The following KDM1B variants were observed in gnomAD, a reference collection of about 807,000 sequenced individuals.
The protein encoded by KDM1B is lysine demethylase 1B.
KDM1B carries 63 observed loss-of-function variants against 107.4 expected under a neutral mutation model. The observed-to-expected ratio is 0.59, with a 90% CI of 0.48 to 0.72. The LOEUF is 0.72. Ranked by LOEUF, KDM1B falls within the 30% of genes least tolerant of loss-of-function variation. The pLI, the probability that KDM1B is intolerant of heterozygous loss-of-function variation, is 0.00. For synonymous variants in KDM1B, 363 were observed against 363.9 expected (o/e 1.00, Z 0.03); for missense variants, 749 against 1,020.8 (o/e 0.73, Z 3.63).
chr6:18,181,308 C>G (rs903055059), intron 7 of KDM1B, among the ~76,000 whole-genome samples: 1 of 152,090 alleles, frequency 6.6e-6, no homozygotes, highest in Non-Finnish European at 1.5e-5. Context: ...TAGTACTACA[C>G]ACACTTTTTT....
At chr6:18,171,711 T>C (rs1301798967) in intron 7 of KDM1B, among the ~76,000 whole-genome samples, 1 of 152,122 alleles carries the variant, frequency 6.6e-6, no homozygotes, top group Non-Finnish European at 1.5e-5. Flanking sequence ...CCAGGGTTGG[T>C]TTTGTTGCCC....
rs1786821971 is a variant in KDM1B, at chr6:18,185,894, T to C, written c.573+84T>C. On this transcript the variant is annotated intron_variant, in intron 8 of 21. Coordinates refer to ENST00000650836, the MANE Select transcript of KDM1B (RefSeq NM_001364614.2). ...CAAGGAAATGATAGTAACAGCTTCA[T>C]GAATTTCTTTCTCTTTGGTTGCTGA... The C allele has an allele frequency of 1.6e-6, 2 of 1,284,764 alleles. 1 individual carries two copies. Among genetic ancestry groups the C allele is most frequent in the South Asian group, 2.4e-5 (2 of 81,930 alleles). The allele number at this position is 1,284,764 out of a possible 1,614,324, so 79.6% of individuals were successfully genotyped here.
chr6:18,220,190 C>T (rs894176339), intron 21 of KDM1B, among the ~76,000 whole-genome samples: 2 of 152,186 alleles, frequency 1.3e-5, no homozygotes, highest in African/African-American at 4.8e-5. Context: ...GTTCCTACTT[C>T]GTTTAATATG....
chr6:18,201,730 T>C lies in KDM1B; in HGVS notation c.1531+73T>C, dbSNP rs214612. The C allele has an allele frequency of 0.83, 1,050,481 of 1,270,196 alleles. 436,584 individuals are homozygous for C. The highest frequency in any genetic ancestry group is 0.96 in the African/African-American group (63,635 of 66,422). The allele number at this position is 1,270,196 out of a possible 1,614,324, so 78.7% of individuals were successfully genotyped here. ...ACCTAAGCTTCATCAGCAGTGGCAT[T>C]GTTCATTTGCGAGGTCGGATGTCGG... On this transcript the variant is annotated intron_variant, in intron 14 of 21. Coordinates refer to ENST00000650836, the MANE Select transcript of KDM1B (RefSeq NM_001364614.2). This position sits in a 1 kb window ranked among gnomAD's most constrained non-coding sequence, Gnocchi z 4.3.
At chr6:18,193,209 A>G (rs1052792008) in intron 10 of KDM1B, among the ~76,000 whole-genome samples, 2 of 150,772 alleles carry the variant, frequency 1.3e-5, no homozygotes, top group African/African-American at 4.9e-5. Flanking sequence ...AAAAAAAAAA[A>G]AAAAAAGAAT....
chr6:18,193,508 C>T (rs1385487655), intron 10 of KDM1B, among the ~76,000 whole-genome samples: 1 of 151,728 alleles, frequency 6.6e-6, no homozygotes, highest in Non-Finnish European at 1.5e-5. Context: ...TGCTGTGTTG[C>T]CCAGGCTGTT....
intron 21 of KDM1B, among the ~76,000 whole-genome samples, chr6:18,219,438 C>T (rs1789506139): frequency 1.3e-5 from 2 of 152,132 alleles, no homozygotes; most frequent in Non-Finnish European, 2.9e-5. Flanking sequence ...TTATTCATCT[C>T]TTATGCTACT....
chr6:18,213,652 G>C lies in KDM1B; in HGVS notation c.1984-4G>C. The stretch of plus-strand genomic sequence containing the variant: ...TAACCACCTTTCTTCTGCTCACTTT[G>C]CAGATTGCCTTGCAATTTCCGTATA... On this transcript the variant is annotated splice_polypyrimidine_tract_variant and splice_region_variant and intron_variant, in intron 18 of 21. Coordinates refer to ENST00000650836, the MANE Select transcript of KDM1B (RefSeq NM_001364614.2). This position sits in a 1 kb window ranked among gnomAD's most constrained non-coding sequence, Gnocchi z 5.9. 6.2e-7 allele frequency: 1 copy of C among 1,613,976 alleles called. No homozygotes were observed.
intron 12 of KDM1B, among the ~76,000 whole-genome samples, chr6:18,198,637 C>CAAAAAAAA (rs762849198): frequency 4.3e-5 from 3 of 69,194 alleles, no homozygotes; most frequent in South Asian, 5.7e-4. Context: ...GACTCCATCT[C>CAAAAAAAA]AAAAAAAAAA....
chr6:18,213,078 C>T lies in KDM1B; in HGVS notation c.1983+474C>T, dbSNP rs1021134355. 6.6e-6 allele frequency among the ~76,000 whole-genome samples: 1 copy of T among 152,146 alleles called. No individual in the cohort carries two copies. Among genetic ancestry groups the T allele is most frequent in the African/African-American group, 2.4e-5 (1 of 41,424 alleles). On this transcript the variant is annotated intron_variant, in intron 18 of 21. Transcript: ENST00000650836. This position sits in a 1 kb window ranked among gnomAD's most constrained non-coding sequence, Gnocchi z 5.9. ...GAGTCTTAGGAATGCTGGGCATCTTCAGACTAGCTTCTAGGTTGCCAGTGG... is the reference window on the plus strand; with the variant it reads ...GAGTCTTAGGAATGCTGGGCATCTTTAGACTAGCTTCTAGGTTGCCAGTGG...
chr6:18,210,531 A>T (rs113526326), intron 17 of KDM1B, among the ~76,000 whole-genome samples: 9,452 of 147,236 alleles, frequency 0.064, 995 homozygotes, highest in African/African-American at 0.22. Context: ...CTAATTAAAA[A>T]TTTTTTTTTT....
At chr6:18,158,099 C>T (rs1784746004) in intron 2 of KDM1B, among the ~76,000 whole-genome samples, 1 of 152,004 alleles carries the variant, frequency 6.6e-6, no homozygotes, top group African/African-American at 2.4e-5. Context: ...AGGCGTGAGC[C>T]ACCGCGCTGG....
chr6:18,165,129 T>TTTTC (rs1785211751), intron 5 of KDM1B, among the ~76,000 whole-genome samples: 1 of 5,692 alleles, frequency 1.8e-4, no homozygotes, highest in Non-Finnish European at 4.4e-4. Flanking sequence ...CCTTCTCTGA[T>TTTTC]TTTTTTTTTT....
Position 18,191,186 on chromosome 6 carries a change from T to A in KDM1B, c.785-11T>A. On this transcript the variant is annotated splice_polypyrimidine_tract_variant and intron_variant, in intron 9 of 21. Coordinates refer to ENST00000650836, the MANE Select transcript of KDM1B (RefSeq NM_001364614.2). The surrounding 1 kb of genome is among the most constrained non-coding windows in gnomAD (Gnocchi z 5.1). ...AGCTTGTAGGAGTTGCCCATTTGTGTTACCTATCAGTTCCAGGCATGAACC... is the reference window on the plus strand; with the variant it reads ...AGCTTGTAGGAGTTGCCCATTTGTGATACCTATCAGTTCCAGGCATGAACC... 4 of 1,548,434 alleles carry A rather than the reference T, an allele frequency of 2.6e-6. No homozygotes were observed. Among genetic ancestry groups the A allele is most frequent in the Non-Finnish European group, 3.5e-6 (4 of 1,145,904 alleles).
chr6:18,201,762 G>A lies in KDM1B; in HGVS notation c.1531+105G>A. On this transcript the variant is annotated intron_variant, in intron 14 of 21. Coordinates refer to ENST00000650836, the MANE Select transcript of KDM1B (RefSeq NM_001364614.2). This position sits in a 1 kb window ranked among gnomAD's most constrained non-coding sequence, Gnocchi z 4.3. The stretch of plus-strand genomic sequence containing the variant: ...TTGCGAGGTCGGATGTCGGCAACAG[G>A]GTAGCCCTCCTGAGCATTTCTTTTG... 1 of 955,048 alleles carries A rather than the reference G, an allele frequency of 1.0e-6. No homozygotes were observed. Among genetic ancestry groups the A allele is most frequent in the South Asian group, 1.8e-5 (1 of 56,602 alleles). 59.2% of individuals were successfully genotyped at this position (955,048 alleles called of 1,614,324 possible).
At chr6:18,206,924 T>A (rs1788413252) in intron 15 of KDM1B, among the ~76,000 whole-genome samples, 1 of 152,212 alleles carries the variant, frequency 6.6e-6, no homozygotes, top group African/African-American at 2.4e-5. Flanking sequence ...GTATTCTGTA[T>A]TTTGAATAGA....
chr6:18,163,699 T>C (rs929878450), intron 5 of KDM1B, among the ~76,000 whole-genome samples: 2 of 152,192 alleles, frequency 1.3e-5, no homozygotes, highest in East Asian at 1.9e-4. Flanking sequence ...TAGAAGTAAA[T>C]TGTTTAATTT....
At chr6:18,187,705 C>T (rs371375918) in intron 8 of KDM1B, 87 bp from the exon 9 acceptor site, 55 of 879,908 alleles carry the variant, frequency 6.3e-5, no homozygotes, top group Non-Finnish European at 9.3e-5. Flanking sequence ...ACAAGTGAAA[C>T]GAAGAGAACC....
intron 12 of KDM1B, among the ~76,000 whole-genome samples, chr6:18,198,947 T>G (rs1376953314): frequency 7.7e-6 from 1 of 129,922 alleles, no homozygotes; most frequent in Admixed American, 9.3e-5. Flanking sequence ...GGTGAGGAGA[T>G]CGCTTGAGCT....
Sources: gnomAD v4.1 joint callset for allele counts (sites outside exome capture counted in the v4.1 genomes callset) on GRCh38, gnomAD v4.1.1 for gene constraint, Gnocchi (gnomAD v3.1) non-coding constraint, MANE v1.5 for transcripts, NCBI Gene and HGNC (gene_info 2026-07-23, HGNC 2026-07-21) for gene names.